Variants in CHEK2 observed in about 807,000 individuals in gnomAD.
CHEK2 encodes serine/threonine-protein kinase Chk2.
In CHEK2, 71 loss-of-function variants were observed where a neutral mutation model predicts 69.1. The observed-to-expected ratio is 1.03, with a 90% CI of 0.85 to 1.25. CHEK2 has a LOEUF of 1.25. Ranked by LOEUF, CHEK2 falls within the 50% of genes most tolerant of loss-of-function variation. The pLI, the probability that CHEK2 is intolerant of heterozygous loss-of-function variation, is 0.00. For synonymous variants in CHEK2, 189 were observed against 226.9 expected (o/e 0.83, Z 1.50); for missense variants, 664 against 649.6 (o/e 1.02, Z -0.24).
chr22:28,721,275 G>A (rs886288265), intron 4 of CHEK2, among the ~76,000 whole-genome samples: 3 of 132,538 alleles, frequency 2.3e-5, no homozygotes, highest in Non-Finnish European at 4.8e-5. Flanking sequence ...TTTGTTGTTT[G>A]TTTGGGTTTT....
At chr22:28,739,848 G>C (rs1041591431) in intron 1 of CHEK2, among the ~76,000 whole-genome samples, 22 of 152,124 alleles carry the variant, frequency 1.4e-4, no homozygotes, top group Admixed American at 6.6e-5. Flanking sequence ...TTAGAAAAAG[G>C]CTCTATCTTA....
intron 7 of CHEK2, among the ~76,000 whole-genome samples, chr22:28,705,180 G>A (rs141124078): frequency 4.4e-4 from 66 of 150,706 alleles, no homozygotes; most frequent in African/African-American, 1.5e-3. Context: ...CCGGGTTCAC[G>A]CCATTCTCCT....
At chr22:28,689,563 G>A (rs548348916) in intron 13 of CHEK2, among the ~76,000 whole-genome samples, 3 of 152,224 alleles carry the variant, frequency 2.0e-5, no homozygotes, top group Non-Finnish European at 2.9e-5. Flanking sequence ...CTGACTCCGT[G>A]CAGCTCCTCA....
At chr22:28,737,383 C>A in intron 1 of CHEK2, 1 of 415,222 alleles carries the variant, frequency 2.4e-6, no homozygotes, top group Non-Finnish European at 4.8e-6. Flanking sequence ...TTGCCAGCAT[C>A]TTTTGCTTTG....
intron 1 of CHEK2, among the ~76,000 whole-genome samples, chr22:28,741,176 A>G: frequency 6.6e-6 from 1 of 150,390 alleles, no homozygotes; most frequent in Non-Finnish European, 1.5e-5. Context: ...AAAAAAAGGT[A>G]CAGATGGTAA....
intron 4 of CHEK2, among the ~76,000 whole-genome samples, chr22:28,723,875 G>A (rs2053893033): frequency 6.6e-6 from 1 of 152,046 alleles, no homozygotes; most frequent in Non-Finnish European, 1.5e-5. Flanking sequence ...CTTGAGCCTG[G>A]GAGGCAGAGG....
At chr22:28,737,521 G>A (rs2146180678) in intron 1 of CHEK2, among the ~76,000 whole-genome samples, 1 of 150,106 alleles carries the variant, frequency 6.7e-6, no homozygotes, top group Non-Finnish European at 1.5e-5. Flanking sequence ...CCAGGCTGGA[G>A]TGCAGTGGCA....
At chr22:28,723,601 G>GAA (rs377197157) in intron 4 of CHEK2, among the ~76,000 whole-genome samples, 502 of 48,766 alleles carry the variant, frequency 0.01, 33 homozygotes, top group African/African-American at 0.02. Flanking sequence ...CCGTCACAAG[G>GAA]AAAAAAAAAG....
chr22:28,710,312 T>A (rs993926342), intron 6 of CHEK2, among the ~76,000 whole-genome samples: 1 of 152,202 alleles, frequency 6.6e-6, no homozygotes, highest in African/African-American at 2.4e-5. Flanking sequence ...AGAGATCATG[T>A]CTCATAAGCC....
At chr22:28,741,567 G>A (rs776878998) in intron 1 of CHEK2, among the ~76,000 whole-genome samples, 21 of 152,160 alleles carry the variant, frequency 1.4e-4, no homozygotes, top group Non-Finnish European at 2.9e-4. Flanking sequence ...GTATGTTCAG[G>A]CCTGTTTCAG....
In CHEK2 at chr22:28,734,576, G is replaced by C. The variant is rs730881694; in HGVS notation, c.146C>G (p.Ser49Cys). The C allele has an allele frequency of 8.7e-6, 14 of 1,613,852 alleles. No homozygotes were observed. The highest frequency in any genetic ancestry group is 1.2e-5 in the Non-Finnish European group (14 of 1,180,014). ...SSSSTSTMPN[S>C]SQSSHSSSGT... ...AGAGCTGGAGTGAGAGGACTGGCTGGAGTTTGGCATCGTGCTGGTAGAGGA... is the reference window on the plus strand; with the variant it reads ...AGAGCTGGAGTGAGAGGACTGGCTGCAGTTTGGCATCGTGCTGGTAGAGGA... The change falls in exon 2 of 15, where the codon TCC becomes TGC. Residue 49 changes from serine to cysteine, a missense_variant. Ser to Cys is a moderately radical substitution (Grantham distance 112). Transcript: ENST00000404276.
intron 2 of CHEK2, among the ~76,000 whole-genome samples, chr22:28,733,430 T>C (rs2146134807): frequency 6.6e-6 from 1 of 152,262 alleles, no homozygotes; most frequent in African/African-American, 2.4e-5. Flanking sequence ...CAATTATTAT[T>C]TGTTGAAAGA....
intron 1 of CHEK2, among the ~76,000 whole-genome samples, chr22:28,737,640 G>C (rs1035882922): frequency 2.0e-5 from 3 of 151,614 alleles, no homozygotes; most frequent in African/African-American, 7.3e-5. Flanking sequence ...CGGCTAATTT[G>C]TATATTTTTT....
Position 28,695,049 on chromosome 22 carries a change from G to C in CHEK2, c.1375+78C>G, listed in dbSNP as rs5762749. 0.64 allele frequency: 551,967 copies of C among 860,542 alleles called. 178,783 individuals are homozygous for C. The highest frequency in any genetic ancestry group is 0.74 in the South Asian group (53,725 of 72,884). 53.3% of individuals were successfully genotyped at this position (860,542 alleles called of 1,614,324 possible). A position where few individuals can be genotyped will look rare whatever the true frequency, so the allele number is the denominator to read the frequency against. On this transcript the variant is annotated intron_variant, in intron 12 of 14. Coordinates refer to ENST00000404276, the MANE Select transcript of CHEK2 (RefSeq NM_007194.4). ...AGAATTGACAGGAGAAAACACCATG[G>C]AATTTGGGAAGAAACTCCCACCACA...
intron 5 of CHEK2, among the ~76,000 whole-genome samples, chr22:28,718,917 C>CACACAT (rs1555924196): frequency 2.7e-5 from 4 of 146,006 alleles, no homozygotes; most frequent in Non-Finnish European, 6.1e-5. Flanking sequence ...CACACACACA[C>CACACAT]ACACAGGAAA....
At chr22:28,712,576 C>G (rs2053443351) in intron 5 of CHEK2, among the ~76,000 whole-genome samples, 1 of 152,152 alleles carries the variant, frequency 6.6e-6, no homozygotes, top group Non-Finnish European at 1.5e-5. Context: ...CAACCTCTCA[C>G]AGAGATTTGC....
rs565397768 is a variant in CHEK2, at chr22:28,712,085, C to A, written c.684-68G>T. 3.3e-5 allele frequency: 34 copies of A among 1,044,696 alleles called. No individual in the cohort carries two copies. The South Asian group carries it at 4.2e-4, about 13-fold the overall frequency. 64.7% of individuals were successfully genotyped at this position (1,044,696 alleles called of 1,614,324 possible). Reference sequence around the variant, plus strand: ...ATTATGAGACCTACCACTCCTGGGTCCACTTCAAGTATTAGAATTTACAGA... The same window carrying A: ...ATTATGAGACCTACCACTCCTGGGTACACTTCAAGTATTAGAATTTACAGA... On this transcript the variant is annotated intron_variant, in intron 5 of 14. Coordinates refer to ENST00000404276, the MANE Select transcript of CHEK2 (RefSeq NM_007194.4).
chr22:28,730,228 A>G (rs1437567663), intron 2 of CHEK2, among the ~76,000 whole-genome samples: 1 of 1,604 alleles, frequency 6.2e-4, no homozygotes, highest in Non-Finnish European at 1.3e-3. Context: ...AGGAGAGAGA[A>G]GAGGAAAGAA....
At chr22:28,688,389 C>T (rs1244651714) in intron 14 of CHEK2, among the ~76,000 whole-genome samples, 9 of 152,134 alleles carry the variant, frequency 5.9e-5, no homozygotes. Context: ...GGGAGGAAGG[C>T]TGGGTGCGGT....
Sources: allele counts gnomAD v4.1 joint callset (sites outside exome capture counted in the v4.1 genomes callset), GRCh38; gene constraint gnomAD v4.1.1; transcripts MANE v1.5; gene names NCBI Gene and HGNC (gene_info 2026-07-23, HGNC 2026-07-21).